Variants in UNC5D observed in about 807,000 individuals in gnomAD.
UNC5D encodes netrin receptor UNC5D.
In UNC5D, 39 loss-of-function variants were observed where a neutral mutation model predicts 105.4. That is an observed-to-expected ratio of 0.37 (90% CI 0.29 to 0.48). The LOEUF is 0.48. UNC5D is among the 20% of genes least tolerant of loss of function. The pLI is 0.98. For synonymous variants in UNC5D, 452 were observed against 450.4 expected (o/e 1.00, Z -0.04); for missense variants, 991 against 1,202.4 (o/e 0.82, Z 2.60).
chr8:35,491,329 A>G (rs1250657618), intron 1 of UNC5D, among the ~76,000 whole-genome samples: 3 of 152,156 alleles, frequency 2.0e-5, no homozygotes, highest in African/African-American at 7.2e-5. Flanking sequence ...AACCTGAACT[A>G]GGGAGATATT....
intron 1 of UNC5D, among the ~76,000 whole-genome samples, chr8:35,439,005 A>G (rs899962296): frequency 2.0e-5 from 3 of 152,088 alleles, no homozygotes; most frequent in African/African-American, 7.2e-5. Flanking sequence ...GGCCTGATGA[A>G]TTAGACAGCT....
chr8:35,796,039 G>C lies in UNC5D; in HGVS notation c.*5476G>C, dbSNP rs961358316. The C allele has an allele frequency of 1.3e-5, 2 of 152,008 alleles. No homozygotes were observed. Among genetic ancestry groups the C allele is most frequent in the East Asian group, 1.9e-4 (1 of 5,182 alleles). 9.4% of individuals were successfully genotyped at this position (152,008 alleles called of 1,614,324 possible). A position where few individuals can be genotyped will look rare whatever the true frequency, so the allele number is the denominator to read the frequency against. ...CTGTTTATTTTGGGAAGGTGCGTGG[G>C]GGTGTTCTTTCAAGTGATTCACATC... On this transcript the variant is annotated 3_prime_UTR_variant, in exon 17 of 17. Transcript: ENST00000404895.
intron 1 of UNC5D, among the ~76,000 whole-genome samples, chr8:35,258,100 G>T (rs1804208063): frequency 6.6e-6 from 1 of 152,162 alleles, no homozygotes; most frequent in Non-Finnish European, 1.5e-5. Flanking sequence ...CCTGAGATTT[G>T]ATGTCTAGGA....
intron 2 of UNC5D, among the ~76,000 whole-genome samples, chr8:35,565,399 T>C (rs979449388): frequency 6.6e-6 from 1 of 152,190 alleles, no homozygotes; most frequent in African/African-American, 2.4e-5. Flanking sequence ...TTGAAAACAA[T>C]CTGTGTTGTT....
chr8:35,266,108 T>C (rs887757886), intron 1 of UNC5D, among the ~76,000 whole-genome samples: 2 of 152,078 alleles, frequency 1.3e-5, no homozygotes, highest in Non-Finnish European at 2.9e-5. Flanking sequence ...AAACCTCTTA[T>C]TTTTTTCTTC....
chr8:35,236,522 G>A (rs533916874), intron 1 of UNC5D, among the ~76,000 whole-genome samples: 151 of 140,878 alleles, frequency 1.1e-3, no homozygotes, highest in African/African-American at 3.7e-3. Context: ...TTGGCCCGAG[G>A]CTGCTCACCA....
At chr8:35,246,932 T>A (rs1348338316) in intron 1 of UNC5D, among the ~76,000 whole-genome samples, 2 of 152,068 alleles carry the variant, frequency 1.3e-5, no homozygotes, top group Non-Finnish European at 2.9e-5. Context: ...AGAAAAACAA[T>A]CATAAAATTA....
At chr8:35,685,947 G>A (rs961540107) in intron 6 of UNC5D, among the ~76,000 whole-genome samples, 1 of 152,064 alleles carries the variant, frequency 6.6e-6, no homozygotes, top group African/African-American at 2.4e-5. Context: ...TGATCTCTAG[G>A]GTTGCTTTTT....
chr8:35,595,733 G>T, intron 4 of UNC5D, 76 bp downstream of exon 4: 1 of 1,350,966 alleles, frequency 7.4e-7, no homozygotes, highest in South Asian at 1.2e-5. Context: ...GTCCTGTGTG[G>T]CTGGAAGGGA....
intron 3 of UNC5D, among the ~76,000 whole-genome samples, chr8:35,589,238 T>G (rs550424712): frequency 9.8e-5 from 15 of 152,292 alleles, no homozygotes; most frequent in African/African-American, 2.2e-4. Context: ...ACCTGTAATC[T>G]TAAATATTTT....
At chr8:35,724,138 G>A (rs966807275) in intron 9 of UNC5D, 70 of 1,436,784 alleles carry the variant, frequency 4.9e-5, no homozygotes, top group Non-Finnish European at 5.5e-5. Flanking sequence ...ACACCTGTCT[G>A]GGGAGTGCTG....
chr8:35,757,968 T>G (rs149946338), intron 13 of UNC5D, among the ~76,000 whole-genome samples: 1 of 152,182 alleles, frequency 6.6e-6, no homozygotes, highest in Non-Finnish European at 1.5e-5. Context: ...CCTTCATCAC[T>G]CTAGCCACAT....
chr8:35,302,625 C>A (rs1808045816), intron 1 of UNC5D, among the ~76,000 whole-genome samples: 1 of 152,112 alleles, frequency 6.6e-6, no homozygotes, highest in African/African-American at 2.4e-5. Context: ...AGTTAAATTT[C>A]TTTTAAAAAA....
intron 8 of UNC5D, among the ~76,000 whole-genome samples, chr8:35,719,141 T>TACACACACACACACACACAC (rs57660135): frequency 1.5e-5 from 2 of 133,076 alleles, no homozygotes; most frequent in Non-Finnish European, 3.2e-5. Context: ...CATGTGCTTA[T>TACACACACACACACACACAC]ACACACACAC....
At chr8:35,719,377 G>C (rs1186168883) in intron 8 of UNC5D, among the ~76,000 whole-genome samples, 1 of 152,024 alleles carries the variant, frequency 6.6e-6, no homozygotes, top group Non-Finnish European at 1.5e-5. Context: ...GGTGTGAAGA[G>C]GAAAAAGAAT....
In UNC5D at chr8:35,796,245, A is replaced by C. The variant is rs1395315811; in HGVS notation, c.*5682A>C. ...CACACTTTTTGTGCCTTGTATTATC[A>C]ATGTAAATTCTGAATGTTGTACAGT... On this transcript the variant is annotated 3_prime_UTR_variant, in exon 17 of 17. Transcript: ENST00000404895. The C allele has an allele frequency of 6.6e-6, 1 of 152,102 alleles. No homozygotes were observed. Among genetic ancestry groups the C allele is most frequent in the Non-Finnish European group, 1.5e-5 (1 of 68,022 alleles). The allele number at this position is 152,102 out of a possible 1,614,324, so 9.4% of individuals were successfully genotyped here. A position where few individuals can be genotyped will look rare whatever the true frequency, so the allele number is the denominator to read the frequency against.
Position 35,726,230 on chromosome 8 carries a change from A to G in UNC5D, c.1382A>G (p.Gln461Arg). The change falls in exon 10 of 17, where the codon CAG becomes CGG. Residue 461 changes from glutamine (Q) to arginine (R), a missense_variant. Gln to Arg is a conservative substitution (Grantham distance 43). Transcript: ENST00000404895. ...ACATACAGCGGACCCATCTGTCTGC[A>G]GGACCCTCTGGACAAGGAGCTCATG... Reference protein sequence around the residue: ...SRTYSGPICLQDPLDKELMTE... With the variant: ...SRTYSGPICLRDPLDKELMTE... 1.2e-6 allele frequency: 2 copies of G among 1,614,172 alleles called. No individual in the cohort carries two copies. The highest frequency in any genetic ancestry group is 2.2e-5 in the East Asian group (1 of 44,876).
chr8:35,500,035 AAAAC>A (rs1328414955), intron 1 of UNC5D, among the ~76,000 whole-genome samples: 1 of 152,228 alleles, frequency 6.6e-6, no homozygotes, highest in Non-Finnish European at 1.5e-5. Flanking sequence ...AACAACAACA[AAAAC>A]AAATTATCAC....
chr8:35,240,681 A>G (rs1802748786), intron 1 of UNC5D, among the ~76,000 whole-genome samples: 1 of 152,212 alleles, frequency 6.6e-6, no homozygotes, highest in African/African-American at 2.4e-5. Context: ...CCCACAACAA[A>G]GACAATTTTT....
Sources: gnomAD v4.1 joint callset for allele counts (sites outside exome capture counted in the v4.1 genomes callset) on GRCh38, gnomAD v4.1.1 for gene constraint, MANE v1.5 for transcripts, NCBI Gene and HGNC (gene_info 2026-07-23, HGNC 2026-07-21) for gene names.